The following SPOCK3 variants were observed in gnomAD, a reference collection of about 807,000 sequenced individuals.
The protein encoded by SPOCK3 is SPARC (osteonectin), cwcv and kazal like domains proteoglycan 3.
Under a neutral mutation model 56.6 loss-of-function variants are expected in SPOCK3, and 30 were observed. The observed-to-expected ratio is 0.53, with a 90% CI of 0.40 to 0.72. The LOEUF is 0.72. Ranked by LOEUF, SPOCK3 falls within the 30% of genes least tolerant of loss-of-function variation. The pLI is 0.00. For synonymous variants in SPOCK3, 196 were observed against 183.3 expected, an observed-to-expected ratio of 1.07 and a Z score of -0.56; for missense variants, 527 against 530.0, an observed-to-expected ratio of 0.99 and a Z score of 0.06.
At chr4:167,037,017 T>C (rs916875710) in intron 3 of SPOCK3, among the ~76,000 whole-genome samples, 8 of 152,146 alleles carry the variant, frequency 5.3e-5, no homozygotes, top group Non-Finnish European at 7.4e-5. Flanking sequence ...ATAAGGTAAG[T>C]TGAAGATTTA....
In SPOCK3 at chr4:166,846,699, C is replaced by G. The variant is rs906921521; in HGVS notation, c.589+42431G>C. ...CTAAGTAAATAATAAGAGCTTAATA[C>G]TGTAGTGTTATGTTTTATTTATATT... is the stretch of plus-strand genomic sequence containing the variant. On this transcript the variant is annotated intron_variant, in intron 6 of 10. Coordinates refer to ENST00000357545, the MANE Select transcript of SPOCK3 (RefSeq NM_001040159.2). 3.9e-5 allele frequency among the ~76,000 whole-genome samples: 6 copies of G among 152,066 alleles called. No individual in the cohort carries two copies. The East Asian group carries it at 1.2e-3, about 29-fold the overall frequency.
At chr4:167,170,546 C>T (rs571318401) in intron 2 of SPOCK3, among the ~76,000 whole-genome samples, 5 of 152,244 alleles carry the variant, frequency 3.3e-5, no homozygotes, top group South Asian at 2.1e-4. Context: ...CATGACAATT[C>T]TCTAATCATT....
chr4:166,913,762 A>C (rs1737535710), intron 4 of SPOCK3, among the ~76,000 whole-genome samples: 2 of 152,008 alleles, frequency 1.3e-5, no homozygotes. Flanking sequence ...TGGGCATTAC[A>C]CATAGATTAT....
chr4:166,959,918 T>C (rs1319367875), intron 4 of SPOCK3, among the ~76,000 whole-genome samples: 5 of 152,142 alleles, frequency 3.3e-5, no homozygotes, highest in Non-Finnish European at 7.4e-5. Flanking sequence ...TTCCTCTTTA[T>C]GGTTATTTTC....
chr4:167,019,469 G>A lies in SPOCK3; in HGVS notation c.236-19006C>T, dbSNP rs1275519659. Among the ~76,000 whole-genome samples, 6 of 151,494 alleles carry A rather than the reference G, an allele frequency of 4.0e-5. No individual in the cohort carries two copies. In the East Asian group the frequency reaches 7.8e-4, roughly 20 times the overall value. On this transcript the variant is annotated intron_variant, in intron 3 of 10. Coordinates refer to ENST00000357545, the MANE Select transcript of SPOCK3 (RefSeq NM_001040159.2). ...GAGTTATAACCATATATAATTTATA[G>A]AGAATGTTAAATATACAAAATTATA...
chr4:166,840,937 C>A (rs1466511030), intron 6 of SPOCK3, among the ~76,000 whole-genome samples: 1 of 151,782 alleles, frequency 6.6e-6, no homozygotes, highest in African/African-American at 2.4e-5. Context: ...CGCCACCACG[C>A]CCGGCTAATT....
chr4:166,736,700 GGT>G (rs144256250), intron 10 of SPOCK3, among the ~76,000 whole-genome samples: 2 of 150,096 alleles, frequency 1.3e-5, no homozygotes, highest in Admixed American at 6.7e-5. Context: ...ATTAATTCCT[GGT>G]GTGTGTGTGT....
intron 10 of SPOCK3, among the ~76,000 whole-genome samples, chr4:166,736,873 G>A (rs763076391): frequency 3.7e-4 from 57 of 152,028 alleles, no homozygotes; most frequent in African/African-American, 5.8e-4. Flanking sequence ...TCAACTAAGC[G>A]TTACATTCTA....
chr4:166,977,433 CAAGAAA>C (rs1746080310), intron 4 of SPOCK3, among the ~76,000 whole-genome samples: 1 of 22,154 alleles, frequency 4.5e-5, no homozygotes, highest in Non-Finnish European at 1.9e-4. Flanking sequence ...ATTAAGTAGG[CAAGAAA>C]GGCAAGAAAG....
At chr4:166,965,885 A>C (rs78723104) in intron 4 of SPOCK3, among the ~76,000 whole-genome samples, 16,627 of 151,738 alleles carry the variant, frequency 0.11, 1,148 homozygotes, top group Middle Eastern at 0.23. Context: ...ATTAATATTC[A>C]CTCTTGGTAT....
chr4:167,168,723 C>G (rs1440016350), intron 2 of SPOCK3, among the ~76,000 whole-genome samples: 1 of 151,978 alleles, frequency 6.6e-6, no homozygotes, highest in Non-Finnish European at 1.5e-5. Flanking sequence ...CAGAAATTTG[C>G]GTAAGTAACA....
At chr4:167,202,232 T>C (rs771384440) in intron 2 of SPOCK3, among the ~76,000 whole-genome samples, 15 of 152,112 alleles carry the variant, frequency 9.9e-5, no homozygotes, top group Middle Eastern at 6.8e-3. Flanking sequence ...TCAAATTTTG[T>C]TCCAATTATG....
chr4:166,866,528 T>C (rs1560949908), intron 6 of SPOCK3, among the ~76,000 whole-genome samples: 1 of 152,110 alleles, frequency 6.6e-6, no homozygotes, highest in Non-Finnish European at 1.5e-5. Context: ...TTTCAATCTA[T>C]CTATCTGACA....
chr4:167,181,499 AT>A (rs2110757451), intron 2 of SPOCK3, among the ~76,000 whole-genome samples: 1 of 152,262 alleles, frequency 6.6e-6, no homozygotes, highest in Non-Finnish European at 1.5e-5. Context: ...ATAACTCTTT[AT>A]CTGTCTAAAG....
At chr4:167,125,470 T>G (rs753040739) in intron 2 of SPOCK3, among the ~76,000 whole-genome samples, 1 of 149,140 alleles carries the variant, frequency 6.7e-6, no homozygotes, top group East Asian at 2.0e-4. Flanking sequence ...TCCCAGCACT[T>G]TGGGAGGCTG....
intron 7 of SPOCK3, among the ~76,000 whole-genome samples, chr4:166,773,936 T>G (rs1739239729): frequency 6.6e-6 from 1 of 152,218 alleles, no homozygotes; most frequent in Non-Finnish European, 1.5e-5. Flanking sequence ...AAATGTGTGA[T>G]TTTTGGTAAA....
At chr4:166,824,372 T>C (rs1745239664) in intron 6 of SPOCK3, among the ~76,000 whole-genome samples, 1 of 152,096 alleles carries the variant, frequency 6.6e-6, no homozygotes, top group Admixed American at 6.6e-5. Flanking sequence ...ATCCCAAAGT[T>C]GTTTCCCTTT....
intron 2 of SPOCK3, among the ~76,000 whole-genome samples, chr4:167,231,929 A>G (rs192518858): frequency 6.8e-4 from 103 of 152,244 alleles, no homozygotes; most frequent in African/African-American, 2.4e-3. Context: ...AAATAAATCA[A>G]TATTTATTTT....
intron 8 of SPOCK3, among the ~76,000 whole-genome samples, chr4:166,742,785 C>G (rs1735030864): frequency 6.6e-6 from 1 of 152,106 alleles, no homozygotes; most frequent in Non-Finnish European, 1.5e-5. Context: ...AACTCAACCA[C>G]TTGAAGGAGG....
Sources: gnomAD v4.1 joint callset for allele counts (sites outside exome capture counted in the v4.1 genomes callset) on GRCh38, gnomAD v4.1.1 for gene constraint, MANE v1.5 for transcripts, NCBI Gene and HGNC (gene_info 2026-07-23, HGNC 2026-07-21) for gene names.